RASA3: variants seen among roughly 807,000 people sequenced by gnomAD.
RASA3 encodes ras GTPase-activating protein 3.
A neutral mutation model predicts 110.0 loss-of-function variants in RASA3; 73 were observed. The ratio of observed to expected loss-of-function variants is 0.66; its 90% CI spans 0.55 to 0.81. The LOEUF (loss-of-function observed/expected upper bound fraction) is 0.81, where lower values mean the gene tolerates loss of function less well. Ranked by LOEUF, RASA3 falls within the 30% of genes least tolerant of loss-of-function variation. The pLI is 0.00. For synonymous variants in RASA3, 500 were observed against 451.4 expected, an observed-to-expected ratio of 1.11 and a Z score of -1.37; for missense variants, 976 against 1,113.2, an observed-to-expected ratio of 0.88 and a Z score of 1.75.
intron 22 of RASA3, among the ~76,000 whole-genome samples, chr13:113,990,724 T>C (rs1031444842): frequency 6.6e-6 from 1 of 152,242 alleles, no homozygotes; most frequent in African/African-American, 2.4e-5. Context: ...TGCACATGTG[T>C]GTGCATGCCT....
chr13:114,043,320 C>G (rs2054456104), intron 3 of RASA3, among the ~76,000 whole-genome samples: 1 of 152,184 alleles, frequency 6.6e-6, no homozygotes, highest in Non-Finnish European at 1.5e-5. Context: ...CAGTTTGCCT[C>G]CAGTGCTGCT....
rs944222642 is a variant in RASA3, at chr13:114,014,981, C to G, written c.1405+228G>C. ...CAGGGCTGGGGTCCCCTGGAGACTA[C>G]TGTGGAGGTGAACTCCAGGGCTGGG... On this transcript the variant is annotated intron_variant, in intron 14 of 23. Coordinates refer to ENST00000334062, the MANE Select transcript of RASA3 (RefSeq NM_007368.4). The surrounding 1 kb of genome is among the most constrained non-coding windows in gnomAD (Gnocchi z 4.5). Among the ~76,000 whole-genome samples the G allele has an allele frequency of 6.6e-6, 1 of 152,036 alleles. No individual in the cohort carries two copies. Among genetic ancestry groups the G allele is most frequent in the African/African-American group, 2.4e-5 (1 of 41,392 alleles).
intron 2 of RASA3, among the ~76,000 whole-genome samples, chr13:114,066,524 C>T (rs1229554161): frequency 1.3e-5 from 2 of 152,194 alleles, no homozygotes; most frequent in African/African-American, 4.8e-5. Flanking sequence ...CCTGCAGTGG[C>T]CCAGCCACAG....
chr13:114,000,360 C>T (rs139786416), intron 19 of RASA3, among the ~76,000 whole-genome samples: 1 of 152,242 alleles, frequency 6.6e-6, no homozygotes, highest in Non-Finnish European at 1.5e-5. Flanking sequence ...GCTGCCGTGG[C>T]CTCAGGCTCT....
intron 4 of RASA3, among the ~76,000 whole-genome samples, chr13:114,033,369 A>G (rs2139414614): frequency 1.1e-5 from 1 of 92,424 alleles, no homozygotes; most frequent in Non-Finnish European, 2.1e-5. Flanking sequence ...CAGCACCCCT[A>G]CACTTGACAC....
At chr13:114,074,494 G>A (rs940013431) in intron 1 of RASA3, among the ~76,000 whole-genome samples, 8 of 152,212 alleles carry the variant, frequency 5.3e-5, no homozygotes, top group Admixed American at 5.2e-4. Context: ...GATGCAAAGG[G>A]ACCTCGTCTT....
At chr13:114,020,377 T>G (rs904580729) in intron 9 of RASA3, among the ~76,000 whole-genome samples, 1 of 152,186 alleles carries the variant, frequency 6.6e-6, no homozygotes, top group Admixed American at 6.5e-5. Flanking sequence ...CTGGGGTATG[T>G]GGTGGCTGCC....
intron 4 of RASA3, among the ~76,000 whole-genome samples, chr13:114,031,333 G>T (rs953860572): frequency 2.6e-5 from 4 of 151,776 alleles, no homozygotes; most frequent in Admixed American, 2.6e-4. Flanking sequence ...CTGTCTGTGT[G>T]TTTGGCTGTG....
intron 4 of RASA3, among the ~76,000 whole-genome samples, chr13:114,033,343 C>CT (rs2054214552): frequency 2.9e-5 from 3 of 103,066 alleles, no homozygotes; most frequent in African/African-American, 8.2e-5. Context: ...CACCCCCACA[C>CT]TGACACCACA....
At chr13:114,041,128 C>A (rs887317190) in intron 3 of RASA3, 34 bp from the exon 4 acceptor site, 1 of 1,586,290 alleles carries the variant, frequency 6.3e-7, no homozygotes, top group East Asian at 2.2e-5. Flanking sequence ...TCACCACGGG[C>A]ACAGGCCCCA....
chr13:114,124,051 C>T (rs923105925), intron 1 of RASA3, among the ~76,000 whole-genome samples: 7 of 152,172 alleles, frequency 4.6e-5, no homozygotes, highest in Non-Finnish European at 7.4e-5. Context: ...CTGACCCAGC[C>T]CCCCGGCCCA....
chr13:114,025,197 T>G (rs1163948797), intron 7 of RASA3, among the ~76,000 whole-genome samples: 1 of 152,244 alleles, frequency 6.6e-6, no homozygotes, highest in Non-Finnish European at 1.5e-5. Flanking sequence ...GATGTAAGGC[T>G]TGACACCAAA....
At chr13:114,062,508 C>A (rs2079372733) in intron 2 of RASA3, among the ~76,000 whole-genome samples, 1 of 152,160 alleles carries the variant, frequency 6.6e-6, no homozygotes, top group Non-Finnish European at 1.5e-5. Flanking sequence ...CCACGGGACA[C>A]AGTGGTTCCA....
chr13:114,028,296 G>GGGGGCCAGGACCCCTAAAACAGCA (rs1594348258), intron 5 of RASA3, among the ~76,000 whole-genome samples: 371 of 29,412 alleles, frequency 0.013, 2 homozygotes, highest in African/African-American at 0.031. Flanking sequence ...CTAAAACAGT[G>GGGGGCCAGGACCCCTAAAACAGCA]TCATCTGGGA....
In RASA3 at chr13:114,132,506, C is replaced by T. The variant is rs763386426; in HGVS notation, c.-17G>A. The T allele has an allele frequency of 4.7e-6, 7 of 1,474,710 alleles. No homozygotes were observed. Among genetic ancestry groups the T allele is most frequent in the Admixed American group, 2.3e-5 (1 of 43,478 alleles). 91.4% of individuals were successfully genotyped at this position (1,474,710 alleles called of 1,614,324 possible). On this transcript the variant is annotated 5_prime_UTR_variant, in exon 1 of 24. Coordinates refer to ENST00000334062, the MANE Select transcript of RASA3 (RefSeq NM_007368.4). ...CACCGCCATGCTGCGCGTCCGCGCC[C>T]GCCGAGCCTCGCCCCAAGCGCGCGC...
At chr13:114,050,767 G>A (rs1285928423) in intron 3 of RASA3, among the ~76,000 whole-genome samples, 2 of 152,244 alleles carry the variant, frequency 1.3e-5, no homozygotes, top group South Asian at 2.1e-4. Flanking sequence ...CTCTCTCAAC[G>A]TCGTGCTGAC....
intron 23 of RASA3, among the ~76,000 whole-genome samples, chr13:113,980,120 ACCT>A (rs913102514): frequency 1.4e-4 from 15 of 108,966 alleles, no homozygotes; most frequent in African/African-American, 3.3e-4. Context: ...GCATGTGTGC[ACCT>A]CCTCTGTGTG....
rs955204525 is a variant in RASA3 at position 114,048,327 on chromosome 13, A to G, written c.277+3725T>C. Among the ~76,000 whole-genome samples, 5 of 151,628 alleles carry G rather than the reference A, an allele frequency of 3.3e-5. No homozygotes were observed. The highest frequency in any genetic ancestry group is 5.9e-5 in the Non-Finnish European group (4 of 67,816). ...GAGACTCCGTCTCAAAAAAAAAAAA[A>G]AAGAAGAAGAAAAGAATGGAGGTCT... On this transcript the variant is annotated intron_variant, in intron 3 of 23. Coordinates refer to ENST00000334062, the MANE Select transcript of RASA3 (RefSeq NM_007368.4). The surrounding 1 kb of genome is among the most constrained non-coding windows in gnomAD (Gnocchi z 4.3).
rs1421431238 is a variant in RASA3 at position 113,978,114 on chromosome 13, T to C, written c.*1233A>G. On this transcript the variant is annotated 3_prime_UTR_variant, in exon 24 of 24. Coordinates refer to ENST00000334062, the MANE Select transcript of RASA3 (RefSeq NM_007368.4). ...CGTCTGCATCCCGGGAGGACGCCCT[T>C]TGGGAAAGGCCTCCTCGGCAGTGTG... 6.6e-6 allele frequency: 1 copy of C among 152,182 alleles called. No homozygotes were observed. Among genetic ancestry groups the C allele is most frequent in the Non-Finnish European group, 1.5e-5 (1 of 68,034 alleles). The allele number at this position is 152,182 out of a possible 1,614,324, so 9.4% of individuals were successfully genotyped here. A position where few individuals can be genotyped will look rare whatever the true frequency, so the allele number is the denominator to read the frequency against.
Sources: allele counts gnomAD v4.1 joint callset (sites outside exome capture counted in the v4.1 genomes callset), GRCh38; gene constraint gnomAD v4.1.1; non-coding constraint Gnocchi (gnomAD v3.1); transcripts MANE v1.5; gene names NCBI Gene and HGNC (gene_info 2026-07-23, HGNC 2026-07-21).